The following NCALD variants were observed in gnomAD, a reference collection of about 807,000 sequenced individuals.
NCALD encodes the protein neurocalcin delta, also known as neurocalcin-delta.
A neutral mutation model predicts 18.6 loss-of-function variants in NCALD; 10 were observed. The observed-to-expected ratio is 0.54, with a 90% CI of 0.33 to 0.91. The LOEUF (loss-of-function observed/expected upper bound fraction) is 0.91, where lower values mean the gene tolerates loss of function less well. NCALD is among the 40% of genes least tolerant of loss of function. The pLI, the probability that NCALD is intolerant of heterozygous loss-of-function variation, is 0.03. For synonymous variants in NCALD, 88 were observed against 87.4 expected (o/e 1.01, Z -0.04); for missense variants, 184 against 247.6 (o/e 0.74, Z 1.72).
At chr8:102,068,212 A>G (rs528028962) in intron 1 of NCALD, among the ~76,000 whole-genome samples, 1 of 152,352 alleles carries the variant, frequency 6.6e-6, no homozygotes, top group South Asian at 2.1e-4. Flanking sequence ...GCACCAGACC[A>G]GGAGTGATCA....
At chr8:101,730,308 C>T (rs1388799329) in intron 1 of NCALD, among the ~76,000 whole-genome samples, 2 of 151,572 alleles carry the variant, frequency 1.3e-5, no homozygotes, top group African/African-American at 2.4e-5. Context: ...GGTGAAACCC[C>T]GTCTCTACTA....
At chr8:101,760,475 T>C (rs752652145) in intron 1 of NCALD, among the ~76,000 whole-genome samples, 29 of 152,224 alleles carry the variant, frequency 1.9e-4, no homozygotes, top group Non-Finnish European at 3.5e-4. Context: ...CTAAAGTAAA[T>C]GCAAACTGAC....
At chr8:101,889,037 C>G (rs1468803722) in intron 3 of NCALD, among the ~76,000 whole-genome samples, 1 of 152,128 alleles carries the variant, frequency 6.6e-6, no homozygotes, top group African/African-American at 2.4e-5. Context: ...TCTGGAGATG[C>G]AAACAAGCTG....
intron 1 of NCALD, among the ~76,000 whole-genome samples, chr8:102,037,497 TGTAG>T (rs1432390535): frequency 1.2e-4 from 19 of 152,332 alleles, no homozygotes; most frequent in East Asian, 5.8e-4. Flanking sequence ...TTAGTGTGTG[TGTAG>T]ATAGACATAA....
chr8:102,003,704 G>A (rs183812960), intron 2 of NCALD, among the ~76,000 whole-genome samples: 3 of 152,222 alleles, frequency 2.0e-5, no homozygotes, highest in African/African-American at 4.8e-5. Context: ...TTCATCCCTG[G>A]GATGCAAGAC....
chr8:101,894,787 C>T (rs1817085282), intron 3 of NCALD, among the ~76,000 whole-genome samples: 1 of 150,790 alleles, frequency 6.6e-6, no homozygotes, highest in Admixed American at 6.6e-5. Context: ...TTCCTCAACA[C>T]ATACACTCTC....
chr8:101,822,095 T>C (rs1017739430), intron 4 of NCALD, among the ~76,000 whole-genome samples: 3 of 152,164 alleles, frequency 2.0e-5, no homozygotes, highest in Non-Finnish European at 4.4e-5. Flanking sequence ...GTGTGTCACC[T>C]AACATCTTTG....
chr8:101,806,816 T>C (rs1490406729), intron 4 of NCALD, among the ~76,000 whole-genome samples: 6 of 150,552 alleles, frequency 4.0e-5, no homozygotes, highest in Admixed American at 4.0e-4. Flanking sequence ...GCTAATGAAC[T>C]CCAAACAGGA....
chr8:101,727,308 T>C (rs546644419), intron 1 of NCALD, among the ~76,000 whole-genome samples: 1 of 152,330 alleles, frequency 6.6e-6, no homozygotes, highest in South Asian at 2.1e-4. Flanking sequence ...GCCGTTTCCA[T>C]TGTCAGCACC....
chr8:102,042,290 G>C (rs1055257776), intron 1 of NCALD, among the ~76,000 whole-genome samples: 1 of 151,930 alleles, frequency 6.6e-6, no homozygotes, highest in African/African-American at 2.4e-5. Flanking sequence ...ACTAACAAAA[G>C]AATATGTGAG....
At chr8:101,838,315 A>G (rs1814497559) in intron 4 of NCALD, among the ~76,000 whole-genome samples, 1 of 152,022 alleles carries the variant, frequency 6.6e-6, no homozygotes, top group African/African-American at 2.4e-5. Context: ...TCCACCTCCC[A>G]GGTTCAAGTG....
intron 1 of NCALD, among the ~76,000 whole-genome samples, chr8:101,771,088 C>T (rs1234993583): frequency 6.6e-6 from 1 of 152,180 alleles, no homozygotes; most frequent in Non-Finnish European, 1.5e-5. Flanking sequence ...TTTCTTTCTA[C>T]CTACCCCCTC....
At chr8:101,925,790 A>T (rs1489418568) in intron 2 of NCALD, among the ~76,000 whole-genome samples, 3 of 152,234 alleles carry the variant, frequency 2.0e-5, no homozygotes, top group African/African-American at 7.2e-5. Context: ...GACTAAATGA[A>T]TGCATGAGTG....
At chr8:102,086,849 T>C (rs1398007631) in intron 1 of NCALD, among the ~76,000 whole-genome samples, 1 of 152,076 alleles carries the variant, frequency 6.6e-6, no homozygotes, top group African/African-American at 2.4e-5. Flanking sequence ...ATAAAACAGG[T>C]TGCAGTAAAG....
intron 4 of NCALD, among the ~76,000 whole-genome samples, chr8:101,880,869 C>T (rs1370244151): frequency 6.6e-6 from 1 of 152,008 alleles, no homozygotes; most frequent in African/African-American, 2.4e-5. Context: ...GATATGGGGA[C>T]AAGGCAAAGG....
chr8:102,106,597 T>C (rs1177553560), intron 1 of NCALD, among the ~76,000 whole-genome samples: 1 of 152,100 alleles, frequency 6.6e-6, no homozygotes, highest in African/African-American at 2.4e-5. Flanking sequence ...GGTCCTGCAC[T>C]GAACCTTCAG....
In NCALD at chr8:102,077,512, A is replaced by C. The variant is rs60131135; in HGVS notation, c.-210+46725T>G. 4.2e-3 allele frequency among the ~76,000 whole-genome samples: 634 copies of C among 152,330 alleles called. 5 individuals carry two copies. The highest frequency in any genetic ancestry group is 0.015 in the African/African-American group (609 of 41,572). Reference sequence around the variant, plus strand: ...TGTAAAAATGAGATAAATTAAAAGAAAGATATGATAGAGAGAGAGAAATAA... The same window carrying C: ...TGTAAAAATGAGATAAATTAAAAGACAGATATGATAGAGAGAGAGAAATAA... On this transcript the variant is annotated intron_variant, in intron 1 of 6. Transcript: ENST00000311028.
chr8:102,119,192 T>C (rs1825875143), intron 1 of NCALD, among the ~76,000 whole-genome samples: 1 of 152,176 alleles, frequency 6.6e-6, no homozygotes, highest in African/African-American at 2.4e-5. Context: ...AGCAGATGCA[T>C]GGATAAACAA....
At chr8:102,024,689 T>C (rs1489433142) in intron 1 of NCALD, among the ~76,000 whole-genome samples, 1 of 152,188 alleles carries the variant, frequency 6.6e-6, no homozygotes, top group Non-Finnish European at 1.5e-5. Flanking sequence ...CCCATTTCCA[T>C]TGCCTTAATT....
Sources: gnomAD v4.1 joint callset for allele counts (sites outside exome capture counted in the v4.1 genomes callset) on GRCh38, gnomAD v4.1.1 for gene constraint, MANE v1.5 for transcripts, NCBI Gene and HGNC (gene_info 2026-07-23, HGNC 2026-07-21) for gene names.